FANCC: variants seen among roughly 807,000 people sequenced by gnomAD.
FANCC encodes the protein Fanconi anemia group C protein.
In FANCC, 55 loss-of-function variants were observed where a neutral mutation model predicts 71.3. The ratio of observed to expected loss-of-function variants is 0.77; its 90% CI spans 0.62 to 0.97. The LOEUF is 0.97. FANCC is among the 50% of genes least tolerant of loss of function. FANCC has a pLI of 0.00. For synonymous variants in FANCC, 275 were observed against 244.9 expected, an observed-to-expected ratio of 1.12 and a Z score of -1.15; for missense variants, 678 against 670.9, an observed-to-expected ratio of 1.01 and a Z score of -0.12.
rs765327075 is a variant in FANCC at position 95,135,517 on chromosome 9, T to G, written c.687-15A>C. ...AAATCTTCTTCCTTTCAGAAAGAAA[T>G]AAACAAAATTTTAAACAGAAATGGC... On this transcript the variant is annotated splice_polypyrimidine_tract_variant and intron_variant, in intron 7 of 14. Transcript: ENST00000289081. 43 of 1,612,302 alleles carry G rather than the reference T, an allele frequency of 2.7e-5. No homozygotes were observed. Among genetic ancestry groups the G allele is most frequent in the Admixed American group, 2.0e-4 (12 of 59,922 alleles).
intron 4 of FANCC, among the ~76,000 whole-genome samples, chr9:95,197,410 G>A (rs1379071656): frequency 1.3e-5 from 2 of 152,100 alleles, no homozygotes; most frequent in Non-Finnish European, 1.5e-5. Context: ...ATGGTGGCAC[G>A]CATCTGTAGT....
intron 4 of FANCC, among the ~76,000 whole-genome samples, chr9:95,232,380 G>A (rs538855926): frequency 6.6e-6 from 1 of 152,258 alleles, no homozygotes; most frequent in South Asian, 2.1e-4. Flanking sequence ...ACTCACTTCA[G>A]GATTGTGCAA....
In FANCC at chr9:95,111,613, G is replaced by A. The variant is rs1328914149; in HGVS notation, c.1179C>T (p.Ser393=). Residue 393 remains serine, a synonymous_variant, in exon 13 of 15, where the codon AGC becomes AGT. Coordinates refer to ENST00000289081, the MANE Select transcript of FANCC (RefSeq NM_000136.3). ...THGSCGGPFE[S]WFLFIHFGGW... is the part of the protein sequence containing the mutation. ...CTCCGAAGTGAATGAACAGGAACCA[G>A]CTCTCAAAGGGACCTCCGCAGGACC... 12 of 1,614,068 alleles carry A rather than the reference G, an allele frequency of 7.4e-6. No individual in the cohort carries two copies. The highest frequency in any genetic ancestry group is 9.3e-6 in the Non-Finnish European group (11 of 1,180,058).
intron 6 of FANCC, among the ~76,000 whole-genome samples, chr9:95,170,447 A>C (rs1262249366): frequency 6.6e-6 from 1 of 151,970 alleles, no homozygotes; most frequent in Non-Finnish European, 1.5e-5. Context: ...CTCTTGGTTA[A>C]TGATATGTCA....
chr9:95,229,600 T>A (rs1191810585), intron 4 of FANCC, among the ~76,000 whole-genome samples: 1 of 152,066 alleles, frequency 6.6e-6, no homozygotes, highest in East Asian at 1.9e-4. Context: ...GGAGGGAGAA[T>A]AAAGTTTTGG....
intron 6 of FANCC, 152 bp downstream of exon 6, chr9:95,170,927 C>A: frequency 1.5e-6 from 1 of 669,568 alleles, no homozygotes; most frequent in South Asian, 1.7e-5. Context: ...AAAAACTCAC[C>A]AATTTGCTAT....
intron 4 of FANCC, among the ~76,000 whole-genome samples, chr9:95,210,522 A>G (rs2135869803): frequency 6.6e-6 from 1 of 152,302 alleles, no homozygotes; most frequent in African/African-American, 2.4e-5. Context: ...AAAGCTTTAC[A>G]CACACACATA....
chr9:95,111,075 A>G (rs2071875806), intron 13 of FANCC: 1 of 1,506,672 alleles, frequency 6.6e-7, no homozygotes, highest in Admixed American at 2.0e-5. Flanking sequence ...GGGGAGCGAG[A>G]CAGGGCCCTG....
At chr9:95,293,379 T>TAA in intron 1 of FANCC, 1 of 1,588,790 alleles carries the variant, frequency 6.3e-7, no homozygotes, top group Non-Finnish European at 8.5e-7. Flanking sequence ...CCTGCCCTTG[T>TAA]CAGTAGGAAC....
chr9:95,131,902 A>G (rs533226784), intron 8 of FANCC, among the ~76,000 whole-genome samples: 5 of 152,264 alleles, frequency 3.3e-5, no homozygotes, highest in African/African-American at 1.2e-4. Context: ...AGAATGAGGG[A>G]AAAAAACACA....
At chr9:95,190,278 G>A (rs1037695375) in intron 4 of FANCC, among the ~76,000 whole-genome samples, 2 of 152,038 alleles carry the variant, frequency 1.3e-5, no homozygotes, top group Non-Finnish European at 2.9e-5. Flanking sequence ...TACCTCGCCA[G>A]GACCCTCCGC....
In FANCC at chr9:95,107,234, T is replaced by G. The variant is rs1463739066; in HGVS notation, c.1365A>C (p.Ala455=). 3.7e-6 allele frequency: 6 copies of G among 1,613,994 alleles called. No homozygotes were observed. Among genetic ancestry groups the G allele is most frequent in the Non-Finnish European group, 5.1e-6 (6 of 1,180,028 alleles). Reference sequence around the variant, plus strand: ...CTGAGAGGCTGCTGCTTCTGGACATTGCCAGGAGGTGGCCCAGCACGGCCT... The same window carrying G: ...CTGAGAGGCTGCTGCTTCTGGACATGGCCAGGAGGTGGCCCAGCACGGCCT... ...QVKAVLGHLL[A]MSRSSSLSAQ... is the part of the protein sequence containing the mutation. Residue 455 remains alanine (A), a synonymous_variant, in exon 14 of 15, where the codon GCA becomes GCC. Transcript: ENST00000289081.
chr9:95,289,054 A>C (rs575716246), intron 1 of FANCC, among the ~76,000 whole-genome samples: 4 of 152,144 alleles, frequency 2.6e-5, no homozygotes, highest in Non-Finnish European at 4.4e-5. Flanking sequence ...TGAGCTACGG[A>C]TCATGCCACT....
chr9:95,132,081 C>T lies in FANCC; in HGVS notation c.843+3265G>A, dbSNP rs138142913. ...AGCAGAAACAACTCTGCCTCCTGGG[C>T]GCCTCCTCTGCTCCTTTCTTTTGGG... On this transcript the variant is annotated intron_variant, in intron 8 of 14. Coordinates refer to ENST00000289081, the MANE Select transcript of FANCC (RefSeq NM_000136.3). 3.6e-3 allele frequency among the ~76,000 whole-genome samples: 543 copies of T among 152,290 alleles called. 4 individuals are homozygous for T. Among genetic ancestry groups the T allele is most frequent in the East Asian group, 0.018 (95 of 5,186 alleles).
At chr9:95,224,320 G>A (rs1482663033) in intron 4 of FANCC, among the ~76,000 whole-genome samples, 10 of 151,970 alleles carry the variant, frequency 6.6e-5, no homozygotes, top group Non-Finnish European at 8.8e-5. Flanking sequence ...GTGGCTTTAC[G>A]GACACATCTA....
Position 95,288,593 on chromosome 9 carries a change from T to C in FANCC, c.-79+28933A>G, listed in dbSNP as rs770922753. On this transcript the variant is annotated intron_variant, in intron 1 of 14. Transcript: ENST00000289081. ...CAACTGAGTCCCAGCACTTGGCTCATGCATTCAGCATGTTTCACTCTGGCC... is the reference window on the plus strand; with the variant it reads ...CAACTGAGTCCCAGCACTTGGCTCACGCATTCAGCATGTTTCACTCTGGCC... 5.4e-4 allele frequency among the ~76,000 whole-genome samples: 82 copies of C among 152,310 alleles called. 1 individual carries two copies. Among genetic ancestry groups the C allele is most frequent in the Middle Eastern group, 3.4e-3 (1 of 294 alleles).
intron 4 of FANCC, among the ~76,000 whole-genome samples, chr9:95,230,405 A>T (rs1829929482): frequency 6.6e-6 from 1 of 152,030 alleles, no homozygotes; most frequent in Non-Finnish European, 1.5e-5. Flanking sequence ...TGAATAAAGA[A>T]CCAGTTTCCA....
At chr9:95,259,561 A>G (rs530256323) in intron 1 of FANCC, among the ~76,000 whole-genome samples, 78 of 152,344 alleles carry the variant, frequency 5.1e-4, no homozygotes, top group African/African-American at 1.8e-3. Context: ...TTAAAGACTT[A>G]AATGTAAGAC....
At chr9:95,145,032 C>T (rs189979995) in intron 7 of FANCC, among the ~76,000 whole-genome samples, 2 of 152,092 alleles carry the variant, frequency 1.3e-5, no homozygotes, top group African/African-American at 2.4e-5. Flanking sequence ...GACCATTTTT[C>T]GAATCAAGTG....
Sources: allele counts gnomAD v4.1 joint callset (sites outside exome capture counted in the v4.1 genomes callset), GRCh38; gene constraint gnomAD v4.1.1; transcripts MANE v1.5; gene names NCBI Gene and HGNC (gene_info 2026-07-23, HGNC 2026-07-21).